The following ARHGAP44 variants were observed in gnomAD, a reference collection of about 807,000 sequenced individuals.
ARHGAP44 encodes Rho GTPase activating protein 44.
Under a neutral mutation model 106.8 loss-of-function variants are expected in ARHGAP44, and 43 were observed. The observed-to-expected ratio is 0.40, with a 90% confidence interval of 0.32 to 0.52. The LOEUF is 0.52. Among genes scored for constraint, ARHGAP44 ranks in the 20% least tolerant of loss-of-function variants. The pLI is 0.48. For synonymous variants in ARHGAP44, 439 were observed against 410.3 expected (o/e 1.07, Z -0.85); for missense variants, 866 against 1,050.5 (o/e 0.82, Z 2.43).
intron 1 of ARHGAP44, among the ~76,000 whole-genome samples, chr17:12,863,465 G>C (rs1007156962): frequency 6.6e-6 from 1 of 152,118 alleles, no homozygotes; most frequent in Non-Finnish European, 1.5e-5. Context: ...ATAATATTTA[G>C]CATGCCATCT....
chr17:12,947,220 A>T (rs2038873953), intron 10 of ARHGAP44, among the ~76,000 whole-genome samples: 1 of 152,156 alleles, frequency 6.6e-6, no homozygotes. Context: ...CTGGGCTAAA[A>T]CTGTCCTCCG....
intron 1 of ARHGAP44, among the ~76,000 whole-genome samples, chr17:12,795,726 A>C (rs1315257021): frequency 6.6e-6 from 1 of 152,142 alleles, no homozygotes; most frequent in Non-Finnish European, 1.5e-5. Context: ...ATTATGCTAC[A>C]TCTGTGTGGA....
At chr17:12,876,209 C>T (rs1192186965) in intron 1 of ARHGAP44, among the ~76,000 whole-genome samples, 1 of 152,158 alleles carries the variant, frequency 6.6e-6, no homozygotes, top group Non-Finnish European at 1.5e-5. Context: ...CTTCCTATAG[C>T]CTTGAGCCCA....
rs541722000 is a variant in ARHGAP44, at chr17:12,990,949, T to C, written c.*778T>C. On this transcript the variant is annotated 3_prime_UTR_variant, in exon 21 of 21. Coordinates refer to ENST00000379672, the MANE Select transcript of ARHGAP44 (RefSeq NM_014859.6). Reference sequence around the variant, plus strand: ...TATATTGGCTATATGAGAGTAATTTTACCCCTCTACGTACCTAAAGGCACC... The same window carrying C: ...TATATTGGCTATATGAGAGTAATTTCACCCCTCTACGTACCTAAAGGCACC... 6.5e-6 allele frequency: 1 copy of C among 152,802 alleles called. No homozygotes were observed. The highest frequency in any genetic ancestry group is 2.1e-4 in the South Asian group (1 of 4,826). 9.5% of individuals were successfully genotyped at this position (152,802 alleles called of 1,614,324 possible). A position where few individuals can be genotyped will look rare whatever the true frequency, so the allele number is the denominator to read the frequency against.
chr17:12,824,705 G>A (rs553302116), intron 1 of ARHGAP44, among the ~76,000 whole-genome samples: 1 of 152,008 alleles, frequency 6.6e-6, no homozygotes, highest in Non-Finnish European at 1.5e-5. Flanking sequence ...AGAGGAAAAA[G>A]ACTAGAAAAT....
intron 16 of ARHGAP44, among the ~76,000 whole-genome samples, chr17:12,966,587 G>A (rs2039397771): frequency 2.6e-5 from 4 of 152,160 alleles, no homozygotes; most frequent in Admixed American, 2.6e-4. Flanking sequence ...TGCTGTCCGG[G>A]ACATCATCTG....
chr17:12,973,050 A>G, intron 16 of ARHGAP44: 1 of 424,560 alleles, frequency 2.4e-6, no homozygotes, highest in Non-Finnish European at 4.1e-6. Flanking sequence ...TTTCTTCCCC[A>G]TGCCACACCA....
At position 12,879,499 on chromosome 17, in the gene ARHGAP44, T is replaced by C. The variant is rs552351201; in HGVS notation, c.54-15441T>C. On this transcript the variant is annotated intron_variant, in intron 1 of 20. Transcript: ENST00000379672. Reference sequence around the variant, plus strand: ...GTAGATACCCAGGAGTGGGATTGCTTATTGGTGATTTTAATTTGCATGTAG... The same window carrying C: ...GTAGATACCCAGGAGTGGGATTGCTCATTGGTGATTTTAATTTGCATGTAG... Among the ~76,000 whole-genome samples the C allele has an allele frequency of 9.9e-5, 15 of 152,174 alleles. No individual in the cohort carries two copies. The South Asian group carries it at 3.1e-3, about 32-fold the overall frequency.
chr17:12,816,264 T>C (rs1286810828), intron 1 of ARHGAP44, among the ~76,000 whole-genome samples: 1 of 152,178 alleles, frequency 6.6e-6, no homozygotes, highest in Non-Finnish European at 1.5e-5. Context: ...CACTCTTCTT[T>C]TATTCATCTT....
intron 16 of ARHGAP44, among the ~76,000 whole-genome samples, chr17:12,967,678 G>GCACCTCCT (rs376699212): frequency 5.7e-4 from 86 of 152,196 alleles, no homozygotes; most frequent in African/African-American, 2.0e-3. Context: ...TGATCGCTGA[G>GCACCTCCT]CACCTCCTCA....
At chr17:12,848,410 T>G (rs2035634201) in intron 1 of ARHGAP44, among the ~76,000 whole-genome samples, 1 of 152,176 alleles carries the variant, frequency 6.6e-6, no homozygotes, top group Admixed American at 6.5e-5. Context: ...ATGTGCCACC[T>G]CAAGCCACAT....
intron 1 of ARHGAP44, among the ~76,000 whole-genome samples, chr17:12,875,742 G>A (rs1449806582): frequency 2.0e-5 from 3 of 152,134 alleles, no homozygotes; most frequent in Admixed American, 1.3e-4. Context: ...TCAGGAGTTC[G>A]AGACCAGCCT....
At position 12,956,699 on chromosome 17, in the gene ARHGAP44, G is replaced by A. The variant is rs1450363207; in HGVS notation, c.1295G>A (p.Gly432Glu). 2 of 1,614,030 alleles carry A rather than the reference G, an allele frequency of 1.2e-6. No individual in the cohort carries two copies. The highest frequency in any genetic ancestry group is 2.7e-5 in the African/African-American group (2 of 74,908). ...ACCACAGTGTCGCTGCAAATTGTTG[G>A]GATCATTGAACCTATCATCCAGCAT... ...MMTTVSLQIV[G>E]IIEPIIQHAD... The change falls in exon 15 of 21, where the codon GGG becomes GAG. Residue 432 changes from glycine (G) to glutamate (E), a missense_variant. By Grantham distance (98) the Gly-to-Glu change is moderately conservative. Coordinates refer to ENST00000379672, the MANE Select transcript of ARHGAP44 (RefSeq NM_014859.6).
intron 1 of ARHGAP44, among the ~76,000 whole-genome samples, chr17:12,844,184 G>A (rs1224893020): frequency 6.6e-6 from 1 of 152,130 alleles, no homozygotes; most frequent in Non-Finnish European, 1.5e-5. Flanking sequence ...CTCTTAGGCT[G>A]TTTTCTGTTG....
chr17:12,965,821 C>T (rs1278667137), intron 16 of ARHGAP44, among the ~76,000 whole-genome samples: 1 of 152,066 alleles, frequency 6.6e-6, no homozygotes, highest in African/African-American at 2.4e-5. Context: ...ATGTGGATGT[C>T]CTCTGTAGAT....
chr17:12,820,648 C>G (rs955845741), intron 1 of ARHGAP44, among the ~76,000 whole-genome samples: 1 of 152,048 alleles, frequency 6.6e-6, no homozygotes, highest in African/African-American at 2.4e-5. Flanking sequence ...CCCTCAACAC[C>G]ACATGGATAC....
intron 1 of ARHGAP44, among the ~76,000 whole-genome samples, chr17:12,794,683 T>A (rs1324700229): frequency 6.6e-6 from 1 of 152,080 alleles, no homozygotes; most frequent in Non-Finnish European, 1.5e-5. Flanking sequence ...TGGAGCCTTG[T>A]TTTCTATTCC....
At chr17:12,924,211 T>G (rs1319386700) in intron 6 of ARHGAP44, among the ~76,000 whole-genome samples, 1 of 152,216 alleles carries the variant, frequency 6.6e-6, no homozygotes, top group African/African-American at 2.4e-5. Context: ...TCCAATTAAT[T>G]TATCTCGTGT....
At chr17:12,827,696 G>A (rs1313277720) in intron 1 of ARHGAP44, among the ~76,000 whole-genome samples, 1 of 152,054 alleles carries the variant, frequency 6.6e-6, no homozygotes, top group Admixed American at 6.5e-5. Context: ...TTGCCATTAT[G>A]AATGATATAC....
Sources: allele counts gnomAD v4.1 joint callset (sites outside exome capture counted in the v4.1 genomes callset), GRCh38; gene constraint gnomAD v4.1.1; transcripts MANE v1.5; gene names NCBI Gene and HGNC (gene_info 2026-07-23, HGNC 2026-07-21).